The following GLIPR1L2 variants were observed in gnomAD, a reference collection of about 807,000 sequenced individuals.
The protein encoded by GLIPR1L2 is GLIPR1 like 2.
A neutral mutation model predicts 28.4 loss-of-function variants in GLIPR1L2; 21 were observed. That is an observed-to-expected ratio of 0.74 (90% CI 0.52 to 1.06). The LOEUF is 1.06. GLIPR1L2 is among the 50% of genes least tolerant of loss of function. The pLI, the probability that GLIPR1L2 is intolerant of heterozygous loss-of-function variation, is 0.00. For missense variants in GLIPR1L2, 476 were observed against 416.9 expected (o/e 1.14, Z -1.23); for synonymous variants, 145 against 139.3 (o/e 1.04, Z -0.29).
At chr12:75,398,327 T>TAAAAA (rs1352099703) in intron 1 of GLIPR1L2, among the ~76,000 whole-genome samples, 1 of 29,678 alleles carries the variant, frequency 3.4e-5, no homozygotes, top group Non-Finnish European at 5.6e-5. Flanking sequence ...AGACTCCATC[T>TAAAAA]CAAAAAAAAA....
chr12:75,419,818 C>T (rs2045959040), intron 3 of GLIPR1L2, among the ~76,000 whole-genome samples: 1 of 152,118 alleles, frequency 6.6e-6, no homozygotes. Flanking sequence ...AGAAAAACAA[C>T]AGAGTTCATA....
At chr12:75,416,773 C>G (rs1351795784) in intron 3 of GLIPR1L2, among the ~76,000 whole-genome samples, 1 of 152,058 alleles carries the variant, frequency 6.6e-6, no homozygotes, top group Non-Finnish European at 1.5e-5. Context: ...TCTTATTGCA[C>G]AAGCTTCTTT....
intron 1 of GLIPR1L2, among the ~76,000 whole-genome samples, chr12:75,404,651 T>C (rs2045777165): frequency 2.0e-5 from 3 of 152,260 alleles, no homozygotes; most frequent in Middle Eastern, 3.4e-3. Context: ...TGATATCTAT[T>C]ACTTTATATG....
At chr12:75,424,815 T>C (rs2046017125) in intron 4 of GLIPR1L2, among the ~76,000 whole-genome samples, 1 of 152,158 alleles carries the variant, frequency 6.6e-6, no homozygotes, top group Non-Finnish European at 1.5e-5. Flanking sequence ...ATTTCTGCTC[T>C]TGCTTCACTT....
At chr12:75,427,476 C>G (rs1226847397) in intron 4 of GLIPR1L2, among the ~76,000 whole-genome samples, 2 of 152,204 alleles carry the variant, frequency 1.3e-5, no homozygotes, top group Non-Finnish European at 2.9e-5. Flanking sequence ...GTCAGTTCAT[C>G]TCCAAGGTGC....
chr12:75,430,977 A>G lies in GLIPR1L2; in HGVS notation c.851A>G (p.Glu284Gly). ...VQSQFPNILL[E>G]QQMIFTPEES... The stretch of plus-strand genomic sequence containing the variant: ...TCTCAGTTTCCAAATATCTTGTTGG[A>G]ACAACAAATGATATTTACCCCTGAG... Residue 284 changes from glutamate (E) to glycine (G), a missense_variant, in exon 6 of 6, where the codon GAA becomes GGA. Glu to Gly is a moderately conservative substitution (Grantham distance 98). Transcript: ENST00000550916. 1 of 1,535,772 alleles carries G rather than the reference A, an allele frequency of 6.5e-7. No individual in the cohort carries two copies. The highest frequency in any genetic ancestry group is 8.7e-7 in the Non-Finnish European group (1 of 1,146,632).
At chr12:75,413,340 TATA>T (rs2045890246) in intron 2 of GLIPR1L2, among the ~76,000 whole-genome samples, 1 of 149,810 alleles carries the variant, frequency 6.7e-6, no homozygotes, top group African/African-American at 2.5e-5. Flanking sequence ...AAACTTAAAG[TATA>T]ATAATAATAA....
intron 1 of GLIPR1L2, chr12:75,402,980 T>TA (rs2045758468): frequency 2.2e-6 from 1 of 456,698 alleles, no homozygotes; most frequent in Non-Finnish European, 4.4e-6. Flanking sequence ...TCCTCCACTT[T>TA]GTTAACAAGT....
At chr12:75,399,921 A>G (rs2045721436) in intron 1 of GLIPR1L2, among the ~76,000 whole-genome samples, 1 of 152,198 alleles carries the variant, frequency 6.6e-6, no homozygotes, top group Non-Finnish European at 1.5e-5. Flanking sequence ...TCTGGTATCT[A>G]TCCTAAGGAC....
intron 1 of GLIPR1L2, among the ~76,000 whole-genome samples, chr12:75,406,690 T>A (rs766921626): frequency 6.7e-6 from 1 of 148,314 alleles, no homozygotes; most frequent in Non-Finnish European, 1.5e-5. Flanking sequence ...CCCGGGAGTT[T>A]GAGGCTACAT....
At chr12:75,419,240 A>T (rs1236424254) in intron 3 of GLIPR1L2, among the ~76,000 whole-genome samples, 1 of 152,208 alleles carries the variant, frequency 6.6e-6, no homozygotes, top group East Asian at 1.9e-4. Context: ...ATGACACCTC[A>T]GTGAAATTAA....
chr12:75,400,035 G>T (rs1309135021), intron 1 of GLIPR1L2, among the ~76,000 whole-genome samples: 1 of 152,210 alleles, frequency 6.6e-6, no homozygotes, highest in African/African-American at 2.4e-5. Flanking sequence ...AGCACTGAGG[G>T]TTAACTAAAG....
At chr12:75,428,528 A>AT (rs151064090) in intron 4 of GLIPR1L2, among the ~76,000 whole-genome samples, 5 of 89,256 alleles carry the variant, frequency 5.6e-5, no homozygotes, top group East Asian at 3.6e-4. Flanking sequence ...ATATATATAT[A>AT]TTTTTTTTTC....
rs73370063 is a variant in GLIPR1L2 at position 75,426,367 on chromosome 12, G to A, written c.670+3378G>A. On this transcript the variant is annotated intron_variant, in intron 4 of 5. Coordinates refer to ENST00000550916, the MANE Select transcript of GLIPR1L2 (RefSeq NM_001270396.2). ...AGGAAATACAGTTTATCTGAATACT[G>A]TAAACACTAAGGGAGTGAAGGTCAG... Among the ~76,000 whole-genome samples the A allele has an allele frequency of 2.6e-3, 402 of 152,330 alleles. 1 individual carries two copies. The highest frequency in any genetic ancestry group is 8.7e-3 in the African/African-American group (363 of 41,578).
intron 3 of GLIPR1L2, among the ~76,000 whole-genome samples, chr12:75,421,351 T>C (rs904913975): frequency 1.3e-5 from 2 of 152,248 alleles, no homozygotes; most frequent in African/African-American, 4.8e-5. Flanking sequence ...ACTTGAATGC[T>C]TACAATTCAA....
At chr12:75,412,466 A>G (rs891394838) in intron 2 of GLIPR1L2, among the ~76,000 whole-genome samples, 2 of 152,154 alleles carry the variant, frequency 1.3e-5, no homozygotes, top group Admixed American at 1.3e-4. Flanking sequence ...GCTAATATCC[A>G]GAATCTACAA....
intron 1 of GLIPR1L2, among the ~76,000 whole-genome samples, chr12:75,395,064 A>G (rs1231676617): frequency 6.6e-6 from 1 of 152,012 alleles, no homozygotes; most frequent in Non-Finnish European, 1.5e-5. Flanking sequence ...ATTGAAAAGC[A>G]ACTAATTTTT....
rs755932910 is a variant in GLIPR1L2, at chr12:75,391,153, G to T, written c.37G>T (p.Ala13Ser). Residue 13 changes from alanine to serine, a missense_variant, in exon 1 of 6, where the codon GCC (alanine) becomes TCC (serine). By Grantham distance (99) the Ala-to-Ser change is moderately conservative. Transcript: ENST00000550916. ...AAGGCCCTTCGCCCGGGAGTGGAGG[G>T]CCCAGTCCCTACCCCTGGCAGTAGG... is the stretch of plus-strand genomic sequence containing the variant. ...AARPFAREWR[A>S]QSLPLAVGGV... is the part of the protein sequence containing the mutation. 9.3e-6 allele frequency: 15 copies of T among 1,613,950 alleles called. No homozygotes were observed. In the South Asian group the frequency reaches 1.5e-4, roughly 17 times the overall value.
intron 3 of GLIPR1L2, among the ~76,000 whole-genome samples, chr12:75,421,636 C>G (rs2045977107): frequency 1.3e-5 from 2 of 152,096 alleles, no homozygotes; most frequent in Non-Finnish European, 2.9e-5. Flanking sequence ...CTTTCTTATC[C>G]TAGATCATTT....
Sources: gnomAD v4.1 joint callset for allele counts (sites outside exome capture counted in the v4.1 genomes callset) on GRCh38, gnomAD v4.1.1 for gene constraint, MANE v1.5 for transcripts, NCBI Gene and HGNC (gene_info 2026-07-23, HGNC 2026-07-21) for gene names.